MARCHF4: variants seen among roughly 807,000 people sequenced by gnomAD.
MARCHF4 encodes the protein E3 ubiquitin-protein ligase MARCHF4.
A neutral mutation model predicts 43.9 loss-of-function variants in MARCHF4; 14 were observed. The observed-to-expected ratio is 0.32, with a 90% CI of 0.21 to 0.50. The LOEUF (loss-of-function observed/expected upper bound fraction) is 0.50, where lower values mean the gene tolerates loss of function less well. Among genes scored for constraint, MARCHF4 ranks in the 20% least tolerant of loss-of-function variants. The pLI is 0.98. For missense variants in MARCHF4, 468 were observed against 536.7 expected (o/e 0.87, Z 1.27); for synonymous variants, 226 against 213.3 (o/e 1.06, Z -0.52).
chr2:216,277,585 CT>C (rs1691047180), intron 3 of MARCHF4, 86 bp downstream of exon 3: 2 of 1,377,788 alleles, frequency 1.5e-6, no homozygotes, highest in Non-Finnish European at 2.0e-6. Flanking sequence ...CTGCTTCAGC[CT>C]CCCACAGTGG....
In MARCHF4 at chr2:216,370,261, GT is replaced by G. The variant is rs1352034398; in HGVS notation, c.-2del. ...GCAGCCCACACAGGGGCATCAGCAT[GT>G]GCCCCGTGGAAGTAGAGAGCCCAAG... On this transcript the variant is annotated 5_prime_UTR_variant, in exon 1 of 4. Coordinates refer to ENST00000273067, the MANE Select transcript of MARCHF4 (RefSeq NM_020814.3). 2.5e-6 allele frequency: 4 copies of G among 1,595,880 alleles called. No homozygotes were observed. The highest frequency in any genetic ancestry group is 2.7e-5 in the African/African-American group (2 of 74,474).
At chr2:216,291,577 GCA>G (rs976717348) in intron 1 of MARCHF4, among the ~76,000 whole-genome samples, 9 of 152,268 alleles carry the variant, frequency 5.9e-5, no homozygotes, top group Admixed American at 5.2e-4. Context: ...TCCATGCCTG[GCA>G]CACAGTAAGC....
chr2:216,329,538 A>G (rs1692051730), intron 1 of MARCHF4, among the ~76,000 whole-genome samples: 1 of 152,074 alleles, frequency 6.6e-6, no homozygotes, highest in Non-Finnish European at 1.5e-5. Flanking sequence ...AGAAGAACAT[A>G]TAACTGAGAA....
chr2:216,300,348 A>G (rs934123847), intron 1 of MARCHF4, among the ~76,000 whole-genome samples: 3 of 120,576 alleles, frequency 2.5e-5, no homozygotes, highest in African/African-American at 8.6e-5. Flanking sequence ...ATATATATAT[A>G]TGTATATATA....
intron 1 of MARCHF4, among the ~76,000 whole-genome samples, chr2:216,286,739 C>G (rs1363235040): frequency 1.3e-5 from 2 of 152,128 alleles, no homozygotes; most frequent in African/African-American, 4.8e-5. Context: ...AGCCCATCAT[C>G]TTTTTAGTGT....
chr2:216,319,132 AC>A (rs1442156433), intron 1 of MARCHF4, among the ~76,000 whole-genome samples: 2 of 152,142 alleles, frequency 1.3e-5, no homozygotes, highest in East Asian at 1.9e-4. Flanking sequence ...ACACGGTGAA[AC>A]CCTGTTTCTA....
intron 1 of MARCHF4, among the ~76,000 whole-genome samples, chr2:216,314,731 T>C (rs1691745605): frequency 6.6e-6 from 1 of 152,108 alleles, no homozygotes; most frequent in African/African-American, 2.4e-5. Context: ...AGGAAAGACT[T>C]CTCTAAGCAG....
intron 1 of MARCHF4, among the ~76,000 whole-genome samples, chr2:216,327,552 T>C (rs550531305): frequency 2.4e-4 from 37 of 152,292 alleles, no homozygotes; most frequent in Non-Finnish European, 4.9e-4. Context: ...CAGGGAAAGC[T>C]TTTCTGCAAC....
intron 1 of MARCHF4, among the ~76,000 whole-genome samples, chr2:216,316,577 G>C (rs909570780): frequency 6.6e-6 from 1 of 151,988 alleles, no homozygotes; most frequent in East Asian, 1.9e-4. Flanking sequence ...AGGGGTGCGG[G>C]GACAGGGTCA....
chr2:216,311,000 T>C (rs1302584745), intron 1 of MARCHF4, among the ~76,000 whole-genome samples: 3 of 152,182 alleles, frequency 2.0e-5, no homozygotes, highest in Non-Finnish European at 4.4e-5. Flanking sequence ...AGAAGTCAAA[T>C]ACATTAAGAA....
At position 216,283,586 on chromosome 2, in the gene MARCHF4, T is replaced by C. The variant is rs759210217; in HGVS notation, c.660A>G (p.Lys220=). The stretch of plus-strand genomic sequence containing the variant: ...CCCTGGGTTGTACCTGCAGAGGATT[T>C]TTTGTGCTTATGGCGATGACGTGGT... The part of the protein sequence containing the change: ...YKYHVIAIST[K]NPLQWQAISL... The change falls in exon 2 of 4, where the codon AAA becomes AAG. Residue 220 remains lysine, a synonymous_variant. Transcript: ENST00000273067. 6.2e-7 allele frequency: 1 copy of C among 1,603,758 alleles called. No individual in the cohort carries two copies. Among genetic ancestry groups the C allele is most frequent in the Non-Finnish European group, 8.5e-7 (1 of 1,171,526 alleles).
intron 2 of MARCHF4, 129 bp downstream of exon 2, chr2:216,283,445 G>A: frequency 8.9e-7 from 1 of 1,127,586 alleles, no homozygotes; most frequent in Non-Finnish European, 1.3e-6. Flanking sequence ...CACCGTGCTT[G>A]CCCACCCAGC....
At chr2:216,331,018 CA>C (rs1283531159) in intron 1 of MARCHF4, among the ~76,000 whole-genome samples, 1 of 151,660 alleles carries the variant, frequency 6.6e-6, no homozygotes, top group Non-Finnish European at 1.5e-5. Flanking sequence ...AACAAAACAA[CA>C]AAAAAAGAAA....
intron 1 of MARCHF4, among the ~76,000 whole-genome samples, chr2:216,359,794 C>T (rs924780486): frequency 1.6e-4 from 24 of 152,212 alleles, no homozygotes; most frequent in Non-Finnish European, 4.4e-5. Context: ...AAGCAAGAAA[C>T]CTGTACTTCT....
At chr2:216,276,638 G>C (rs1472067118) in intron 3 of MARCHF4, among the ~76,000 whole-genome samples, 1 of 152,174 alleles carries the variant, frequency 6.6e-6, no homozygotes, top group Non-Finnish European at 1.5e-5. Context: ...CTAGCTAATA[G>C]ATATTTTTCT....
Position 216,370,179 on chromosome 2 carries a change from C to T in MARCHF4, c.82G>A (p.Ala28Thr). 6.2e-7 allele frequency: 1 copy of T among 1,612,450 alleles called. No individual in the cohort carries two copies. The highest frequency in any genetic ancestry group is 8.5e-7 in the Non-Finnish European group (1 of 1,179,496). The change falls in exon 1 of 4, where the codon GCC becomes ACC. Residue 28 changes from alanine (A) to threonine (T), a missense_variant. Coordinates refer to ENST00000273067, the MANE Select transcript of MARCHF4 (RefSeq NM_020814.3). ...GWYCYGLCAP[A>T]PQMLRHQGLL... is the part of the protein sequence containing the mutation. ...CCCTGGTGGCGCAACATCTGGGGGG[C>T]TGGGGCACACAATCCATAGCAGTAC...
chr2:216,311,077 C>G (rs1574472082), intron 1 of MARCHF4, among the ~76,000 whole-genome samples: 1 of 152,152 alleles, frequency 6.6e-6, no homozygotes, highest in East Asian at 1.9e-4. Context: ...TATTATCTCT[C>G]CTCTAATCTT....
intron 2 of MARCHF4, among the ~76,000 whole-genome samples, chr2:216,279,214 C>T (rs903984585): frequency 6.6e-6 from 1 of 152,180 alleles, no homozygotes; most frequent in Admixed American, 6.5e-5. Flanking sequence ...GGGAAGACTG[C>T]TCCCGGCAGA....
At chr2:216,313,995 T>C (rs1283348970) in intron 1 of MARCHF4, among the ~76,000 whole-genome samples, 3 of 152,140 alleles carry the variant, frequency 2.0e-5, no homozygotes, top group African/African-American at 7.2e-5. Context: ...CCATTGATTC[T>C]ATTTCCCTCT....
Sources: allele counts gnomAD v4.1 joint callset (sites outside exome capture counted in the v4.1 genomes callset), GRCh38; gene constraint gnomAD v4.1.1; transcripts MANE v1.5; gene names NCBI Gene and HGNC (gene_info 2026-07-23, HGNC 2026-07-21).